Variants in MED12L observed in about 807,000 individuals in gnomAD.
MED12L encodes mediator complex subunit 12L.
MED12L carries 60 observed loss-of-function variants against 281.3 expected under a neutral mutation model. The ratio of observed to expected loss-of-function variants is 0.21; its 90% CI spans 0.17 to 0.26. The LOEUF (loss-of-function observed/expected upper bound fraction) is 0.26. Among genes scored for constraint, MED12L ranks in the 10% least tolerant of loss-of-function variants. The probability of loss-of-function intolerance (pLI) is 1.00; values close to 1 mark genes in which losing one functional copy is unlikely to be tolerated. For synonymous variants in MED12L, 974 were observed against 987.2 expected, an observed-to-expected ratio of 0.99 and a Z score of 0.25; for missense variants, 2,146 against 2,680.9, an observed-to-expected ratio of 0.80 and a Z score of 4.41.
intron 16 of MED12L, among the ~76,000 whole-genome samples, chr3:151,281,555 G>C (rs1272032881): frequency 6.6e-6 from 1 of 152,156 alleles, no homozygotes; most frequent in Non-Finnish European, 1.5e-5. Flanking sequence ...CCTGGTCCTT[G>C]TGTGCAAGAA....
At position 151,376,992 on chromosome 3, in the gene MED12L, G is replaced by A. The variant is rs1201877999; in HGVS notation, c.4130G>A (p.Gly1377Asp). The A allele has an allele frequency of 6.2e-7, 1 of 1,613,632 alleles. No individual in the cohort carries two copies. The highest frequency in any genetic ancestry group is 1.1e-5 in the South Asian group (1 of 91,024). ...CAGTATTCTTATATCTAACTCTAGGGCTCTGGTTCTGTGGCCGAAATGAAC... is the reference window on the plus strand; with the variant it reads ...CAGTATTCTTATATCTAACTCTAGGACTCTGGTTCTGTGGCCGAAATGAAC... ...LMIKQCLKDP[G>D]SGSVAEMNNL... Residue 1377 changes from glycine to aspartate, a missense_variant and splice_region_variant, in exon 30 of 45, where the codon GGC becomes GAC. By Grantham distance (94) the Gly-to-Asp change is moderately conservative (BLOSUM62 -1). Around this residue, in one of 9 missense-constraint regions of MED12L, gnomAD observed 235 missense variants for 260.3 expected, o/e 0.90. Transcript: ENST00000687756.
At chr3:151,309,808 T>A (rs554656955) in intron 16 of MED12L, among the ~76,000 whole-genome samples, 1 of 152,266 alleles carries the variant, frequency 6.6e-6, no homozygotes, top group South Asian at 2.1e-4. Flanking sequence ...AAAACACCTT[T>A]GACTTACTAT....
At chr3:151,109,904 C>T (rs1711601802) in intron 2 of MED12L, among the ~76,000 whole-genome samples, 1 of 152,160 alleles carries the variant, frequency 6.6e-6, no homozygotes, top group Non-Finnish European at 1.5e-5. Flanking sequence ...ACCCTGGGAA[C>T]AGGATCTTGA....
In MED12L at chr3:151,430,331, G is replaced by A. The variant is rs144247514; in HGVS notation, c.6441G>A (p.Gln2147=). 3.0e-3 allele frequency: 4,828 copies of A among 1,614,056 alleles called. 11 individuals are homozygous for A. The highest frequency in any genetic ancestry group is 3.6e-3 in the Non-Finnish European group (4,305 of 1,179,944). Residue 2147 remains glutamine, a synonymous_variant, in exon 44 of 45, where the codon CAG becomes CAA. Transcript: ENST00000687756. ...GGCAAGGCTTGCAGCAGACCCAGCA[G>A]CAGCAGCAGACGGCCGCCTTGGTGC... ...FPRQGLQQTQ[Q]QQQTAALVRQ...
At chr3:151,256,345 G>T (rs1737814429) in intron 16 of MED12L, among the ~76,000 whole-genome samples, 1 of 152,168 alleles carries the variant, frequency 6.6e-6, no homozygotes, top group Non-Finnish European at 1.5e-5. Flanking sequence ...GCCTCAACAT[G>T]CCTAAGGTAA....
intron 16 of MED12L, among the ~76,000 whole-genome samples, chr3:151,319,748 T>A (rs1748768382): frequency 6.6e-6 from 1 of 152,080 alleles, no homozygotes; most frequent in Admixed American, 6.5e-5. Flanking sequence ...TATTTATGAA[T>A]CATCATGAAA....
At chr3:151,181,576 CT>C (rs57658133) in intron 11 of MED12L, among the ~76,000 whole-genome samples, 29,719 of 46,738 alleles carry the variant, frequency 0.64, 9,978 homozygotes, top group Non-Finnish European at 0.75. Flanking sequence ...AGCTCATTGT[CT>C]TTTTTTTTTT....
rs532195126 is a variant in MED12L at position 151,351,280 on chromosome 3, T to TAC, written c.2398+1076_2398+1077dup. Reference sequence around the variant, plus strand: ...TCATGGTGCACATGCAGAAACATGGTACAAGAGGCAGTGTGTTTCTATCTG... The same window carrying TAC: ...TCATGGTGCACATGCAGAAACATGGTACACAAGAGGCAGTGTGTTTCTATCTG... On this transcript the variant is annotated intron_variant, in intron 17 of 44. Transcript: ENST00000687756. Among the ~76,000 whole-genome samples the TAC allele has an allele frequency of 2.3e-4, 35 of 152,352 alleles. No homozygotes were observed. The East Asian group carries it at 6.4e-3, about 28-fold the overall frequency.
intron 2 of MED12L, among the ~76,000 whole-genome samples, chr3:151,090,788 C>T (rs1246862268): frequency 6.6e-6 from 1 of 152,088 alleles, no homozygotes; most frequent in Non-Finnish European, 1.5e-5. Flanking sequence ...GCCTGTAATC[C>T]CATCACTTTG....
intron 16 of MED12L, among the ~76,000 whole-genome samples, chr3:151,335,680 G>C (rs1404861561): frequency 6.6e-6 from 1 of 152,082 alleles, no homozygotes; most frequent in East Asian, 1.9e-4. Flanking sequence ...AGAGATAATG[G>C]CATGTTTTAT....
chr3:151,398,821 C>G (rs2108281506), intron 39 of MED12L, among the ~76,000 whole-genome samples: 1 of 152,106 alleles, frequency 6.6e-6, no homozygotes, highest in East Asian at 1.9e-4. Context: ...ATGTTTTTTC[C>G]TATGTATAGG....
intron 17 of MED12L, among the ~76,000 whole-genome samples, chr3:151,353,784 T>C (rs1753543042): frequency 6.6e-6 from 1 of 152,212 alleles, no homozygotes; most frequent in African/African-American, 2.4e-5. Flanking sequence ...GAAATTAAAC[T>C]TTCCTAAAGA....
chr3:151,107,688 C>T (rs1035949867), intron 2 of MED12L, among the ~76,000 whole-genome samples: 2 of 152,032 alleles, frequency 1.3e-5, no homozygotes, highest in Admixed American at 1.3e-4. Context: ...TAGAAAACAG[C>T]TATAATAACA....
At chr3:151,374,214 C>T (rs1379755590) in intron 27 of MED12L, among the ~76,000 whole-genome samples, 1 of 140,240 alleles carries the variant, frequency 7.1e-6, no homozygotes. Flanking sequence ...TGCTATCCAG[C>T]GCTTTGTCAA....
At chr3:151,264,290 A>G (rs1303041610) in intron 16 of MED12L, among the ~76,000 whole-genome samples, 1 of 152,236 alleles carries the variant, frequency 6.6e-6, no homozygotes, top group African/African-American at 2.4e-5. Context: ...TTGCTGTGAC[A>G]TCAAAAAGAG....
intron 38 of MED12L, 133 bp from the exon 39 acceptor site, chr3:151,394,523 G>T: frequency 7.3e-7 from 1 of 1,363,204 alleles, no homozygotes. Flanking sequence ...TTTGTGGCAG[G>T]TGGGACAGTG....
At chr3:151,218,915 A>G (rs1392959249) in intron 16 of MED12L, among the ~76,000 whole-genome samples, 1 of 149,994 alleles carries the variant, frequency 6.7e-6, no homozygotes, top group African/African-American at 2.5e-5. Context: ...GGTATACTGT[A>G]ATAGTGTAAG....
chr3:151,321,828 A>G (rs568137368), intron 16 of MED12L, among the ~76,000 whole-genome samples: 2 of 151,874 alleles, frequency 1.3e-5, no homozygotes, highest in South Asian at 2.1e-4. Context: ...ACTCCCCCCA[A>G]TTGTCTCAAC....
intron 11 of MED12L, among the ~76,000 whole-genome samples, chr3:151,181,574 GTCTT>G (rs1722698642): frequency 1.2e-5 from 1 of 86,034 alleles, no homozygotes; most frequent in African/African-American, 4.6e-5. Flanking sequence ...TTAGCTCATT[GTCTT>G]TTTTTTTTTT....
Sources: gnomAD v4.1 joint callset for allele counts (sites outside exome capture counted in the v4.1 genomes callset) on GRCh38, gnomAD v4.1.1 for gene constraint, gnomAD v4.1.1 regional missense constraint, MANE v1.5 for transcripts, NCBI Gene and HGNC (gene_info 2026-07-23, HGNC 2026-07-21) for gene names.